The following MIGA1 variants were observed in gnomAD, a reference collection of about 807,000 sequenced individuals.
The protein encoded by MIGA1 is family with sequence similarity 73, member A.
A neutral mutation model predicts 82.0 loss-of-function variants in MIGA1; 58 were observed. The ratio of observed to expected loss-of-function variants is 0.71; its 90% CI spans 0.57 to 0.88. The LOEUF is 0.88. MIGA1 is among the 40% of genes least tolerant of loss of function. The pLI, the probability that MIGA1 is intolerant of heterozygous loss-of-function variation, is 0.00. For missense variants in MIGA1, 751 were observed against 749.1 expected (o/e 1.00, Z -0.03); for synonymous variants, 249 against 253.6 (o/e 0.98, Z 0.17).
chr1:77,844,147 G>T (rs199901688), intron 8 of MIGA1, among the ~76,000 whole-genome samples: 9,928 of 125,340 alleles, frequency 0.079, 501 homozygotes, highest in South Asian at 0.15. Context: ...TAGATAGATA[G>T]ATAGATAGAT....
At chr1:77,782,338 A>G (rs530000601) in intron 1 of MIGA1, among the ~76,000 whole-genome samples, 55 of 152,192 alleles carry the variant, frequency 3.6e-4, no homozygotes, top group African/African-American at 1.3e-3. Flanking sequence ...AGGACTCTTG[A>G]TTTTTGCACT....
intron 6 of MIGA1, among the ~76,000 whole-genome samples, chr1:77,814,611 T>C (rs1683504258): frequency 6.6e-6 from 1 of 152,254 alleles, no homozygotes; most frequent in Non-Finnish European, 1.5e-5. Context: ...TAAGTGCCAT[T>C]ATGTTCATTA....
chr1:77,870,261 G>C (rs1685903222), intron 14 of MIGA1, among the ~76,000 whole-genome samples: 2 of 128,884 alleles, frequency 1.6e-5, no homozygotes, highest in Non-Finnish European at 3.4e-5. Flanking sequence ...GTGGCTGCCG[G>C]GCGGAGACGC....
At chr1:77,862,617 C>T (rs1232217959) in intron 12 of MIGA1, among the ~76,000 whole-genome samples, 1 of 151,346 alleles carries the variant, frequency 6.6e-6, no homozygotes, top group South Asian at 2.1e-4. Context: ...AGGCATGGAG[C>T]GCATGCCTGT....
chr1:77,846,710 G>A (rs527998654), intron 8 of MIGA1, among the ~76,000 whole-genome samples: 55 of 151,950 alleles, frequency 3.6e-4, no homozygotes, highest in Middle Eastern at 3.4e-3. Flanking sequence ...CACTTTGGGA[G>A]GCCAAGGCAG....
At chr1:77,848,695 G>A in intron 8 of MIGA1, 1 of 1,572,216 alleles carries the variant, frequency 6.4e-7, no homozygotes, top group East Asian at 2.2e-5. Flanking sequence ...GAGCAAGTTT[G>A]CAAAGAGGAA....
intron 7 of MIGA1, among the ~76,000 whole-genome samples, chr1:77,828,445 T>C (rs1684113310): frequency 1.3e-5 from 2 of 152,200 alleles, no homozygotes; most frequent in South Asian, 4.1e-4. Flanking sequence ...ATGATAGATA[T>C]TTGGATGGAT....
At chr1:77,832,915 A>G (rs1684294185) in intron 7 of MIGA1, among the ~76,000 whole-genome samples, 1 of 152,196 alleles carries the variant, frequency 6.6e-6, no homozygotes, top group African/African-American at 2.4e-5. Context: ...AGTCAGTGAG[A>G]CATCCTTTAA....
Position 77,789,982 on chromosome 1 carries a change from G to A in MIGA1, c.195+6631G>A, listed in dbSNP as rs750006591. Among the ~76,000 whole-genome samples the A allele has an allele frequency of 2.2e-4, 33 of 152,174 alleles. 1 individual carries two copies. In the South Asian group the frequency reaches 2.5e-3, roughly 11 times the overall value. ...ATTATTCTGGATTAGAAACTAGGTT[G>A]GTACAGCTTATTTTTAAAAACTTTA... On this transcript the variant is annotated intron_variant, in intron 2 of 15. Transcript: ENST00000370791.
At chr1:77,864,073 A>AAGTGAGGC in intron 13 of MIGA1, 45 bp downstream of exon 13, 1 of 1,590,208 alleles carries the variant, frequency 6.3e-7, no homozygotes, top group Non-Finnish European at 8.5e-7. Context: ...TTTGATTAAA[A>AAGTGAGGC]AGTGAGGCTG....
chr1:77,823,877 C>T (rs561819989), intron 7 of MIGA1, among the ~76,000 whole-genome samples: 36 of 152,122 alleles, frequency 2.4e-4, no homozygotes, highest in African/African-American at 8.4e-4. Context: ...CCACATAGGT[C>T]GTGACACCTC....
chr1:77,857,848 C>G (rs1685322591), intron 8 of MIGA1, among the ~76,000 whole-genome samples: 1 of 148,664 alleles, frequency 6.7e-6, no homozygotes, highest in African/African-American at 2.5e-5. Flanking sequence ...GCACGACTGT[C>G]TTTCAGTTAT....
chr1:77,788,011 G>C (rs1385943882), intron 2 of MIGA1, among the ~76,000 whole-genome samples: 1 of 150,472 alleles, frequency 6.6e-6, no homozygotes, highest in East Asian at 1.9e-4. Flanking sequence ...TTTTTAGACA[G>C]AGTCTCGCTT....
At chr1:77,790,949 T>A (rs1274303135) in intron 2 of MIGA1, among the ~76,000 whole-genome samples, 2 of 152,088 alleles carry the variant, frequency 1.3e-5, no homozygotes, top group East Asian at 3.8e-4. Flanking sequence ...GTTTTGTCAT[T>A]TCAAGACTGC....
intron 7 of MIGA1, among the ~76,000 whole-genome samples, chr1:77,823,953 G>T (rs552719619): frequency 1.3e-5 from 2 of 152,028 alleles, no homozygotes; most frequent in African/African-American, 4.8e-5. Context: ...TTGTTTATAC[G>T]CATGGGAACT....
chr1:77,784,175 A>G (rs1181837977), intron 2 of MIGA1, among the ~76,000 whole-genome samples: 3 of 152,154 alleles, frequency 2.0e-5, no homozygotes, highest in Non-Finnish European at 4.4e-5. Context: ...GTGTCAAGTG[A>G]AATTGCTGGA....
At chr1:77,865,313 A>G (rs1425528466) in intron 13 of MIGA1, among the ~76,000 whole-genome samples, 1 of 152,118 alleles carries the variant, frequency 6.6e-6, no homozygotes, top group Non-Finnish European at 1.5e-5. Context: ...ACTTTAGGCC[A>G]GGTACAGTGA....
At chr1:77,783,685 A>G (rs532508106) in intron 2 of MIGA1, among the ~76,000 whole-genome samples, 1 of 152,238 alleles carries the variant, frequency 6.6e-6, no homozygotes, top group Non-Finnish European at 1.5e-5. Flanking sequence ...TAAGGTACAA[A>G]TAACATAAAA....
At chr1:77,851,002 TG>T (rs1286560739) in intron 8 of MIGA1, among the ~76,000 whole-genome samples, 6 of 152,192 alleles carry the variant, frequency 3.9e-5, no homozygotes, top group African/African-American at 1.4e-4. Context: ...CCCAAGTAGC[TG>T]GGATTGCAGG....
Sources: gnomAD v4.1 joint callset for allele counts (sites outside exome capture counted in the v4.1 genomes callset) on GRCh38, gnomAD v4.1.1 for gene constraint, MANE v1.5 for transcripts, NCBI Gene and HGNC (gene_info 2026-07-23, HGNC 2026-07-21) for gene names.